The following SESN1 variants were observed in gnomAD, a reference collection of about 807,000 sequenced individuals.
SESN1 encodes the protein sestrin-1.
A neutral mutation model predicts 59.3 loss-of-function variants in SESN1; 30 were observed. The observed-to-expected ratio is 0.51, with a 90% confidence interval of 0.38 to 0.69. SESN1 has a LOEUF of 0.69. SESN1 is among the 30% of genes least tolerant of loss of function. The pLI is 0.00. For synonymous variants in SESN1, 197 were observed against 219.9 expected (o/e 0.90, Z 0.92); for missense variants, 566 against 673.0 (o/e 0.84, Z 1.76).
chr6:109,043,899 A>G lies in SESN1; in HGVS notation c.280-41556T>C, dbSNP rs535066047. Among the ~76,000 whole-genome samples the G allele has an allele frequency of 2.6e-5, 4 of 152,360 alleles. No homozygotes were observed. The East Asian group carries it at 5.8e-4, about 22-fold the overall frequency. On this transcript the variant is annotated intron_variant, in intron 1 of 9. Transcript: ENST00000436639. Reference sequence around the variant, plus strand: ...AACAGTCATACTAACTGTTTTCATGACTTATTATAAAGCTATCATAATTAA... The same window carrying G: ...AACAGTCATACTAACTGTTTTCATGGCTTATTATAAAGCTATCATAATTAA...
chr6:109,054,094 G>C (rs1446260136), intron 1 of SESN1, among the ~76,000 whole-genome samples: 1 of 151,430 alleles, frequency 6.6e-6, no homozygotes, highest in African/African-American at 2.4e-5. Flanking sequence ...TGGGGGGGGA[G>C]GGATCTGGGA....
At position 109,059,742 on chromosome 6, in the gene SESN1, G is replaced by A. The variant is rs570356561; in HGVS notation, c.279+34053C>T. 3 of 152,070 alleles carry A rather than the reference G, an allele frequency of 2.0e-5. No individual in the cohort carries two copies. In the South Asian group the frequency reaches 6.2e-4, roughly 32 times the overall value. 9.4% of individuals were successfully genotyped at this position (152,070 alleles called of 1,614,324 possible). A position where few individuals can be genotyped will look rare whatever the true frequency, so the allele number is the denominator to read the frequency against. ...CTTTTGATCTGTGAAATTAATTTAGGGATAAATTCAGTTCTACTTTTTATT... is the reference window on the plus strand; with the variant it reads ...CTTTTGATCTGTGAAATTAATTTAGAGATAAATTCAGTTCTACTTTTTATT... On this transcript the variant is annotated intron_variant, in intron 1 of 9. Coordinates refer to ENST00000436639, the MANE Select transcript of SESN1 (RefSeq NM_014454.3).
At chr6:109,005,365 A>G (rs1779711658) in intron 1 of SESN1, among the ~76,000 whole-genome samples, 1 of 152,218 alleles carries the variant, frequency 6.6e-6, no homozygotes, top group Non-Finnish European at 1.5e-5. Context: ...TAGGCAGGAA[A>G]AAAAACCTCA....
intron 8 of SESN1, among the ~76,000 whole-genome samples, chr6:108,989,990 A>G (rs1369883197): frequency 6.6e-6 from 1 of 152,182 alleles, no homozygotes; most frequent in Non-Finnish European, 1.5e-5. Context: ...CAAATGCCAG[A>G]TCCGTTTAGA....
Position 109,015,044 on chromosome 6 carries a change from A to G in SESN1, c.280-12701T>C, listed in dbSNP as rs563145750. Among the ~76,000 whole-genome samples, 13 of 152,304 alleles carry G rather than the reference A, an allele frequency of 8.5e-5. No individual in the cohort carries two copies. In the South Asian group the frequency reaches 2.5e-3, roughly 29 times the overall value. On this transcript the variant is annotated intron_variant, in intron 1 of 9. Coordinates refer to ENST00000436639, the MANE Select transcript of SESN1 (RefSeq NM_014454.3). ...GGAGACCCTCAAAAATTATGTATCGAATGAACTCTGAAGAGATGTTTCCAT... is the reference window on the plus strand; with the variant it reads ...GGAGACCCTCAAAAATTATGTATCGGATGAACTCTGAAGAGATGTTTCCAT...
At chr6:109,009,512 C>G in intron 1 of SESN1, 1 of 1,200,154 alleles carries the variant, frequency 8.3e-7, no homozygotes, top group Non-Finnish European at 1.0e-6. Context: ...GCTGGGCAGC[C>G]GGCCGCGGCT....
At position 109,054,388 on chromosome 6, in the gene SESN1, C is replaced by T. The variant is rs556613349; in HGVS notation, c.279+39407G>A. On this transcript the variant is annotated intron_variant, in intron 1 of 9. Coordinates refer to ENST00000436639, the MANE Select transcript of SESN1 (RefSeq NM_014454.3). Reference sequence around the variant, plus strand: ...AAAGGTGAAAAAATATTTTTATACTCGATTTTTTATAATCCTTAAAAAATA... The same window carrying T: ...AAAGGTGAAAAAATATTTTTATACTTGATTTTTTATAATCCTTAAAAAATA... 8.0e-4 allele frequency among the ~76,000 whole-genome samples: 122 copies of T among 151,970 alleles called. 2 individuals carry two copies. The highest frequency in any genetic ancestry group is 6.6e-3 in the Admixed American group (100 of 15,260).
intron 1 of SESN1, among the ~76,000 whole-genome samples, chr6:109,073,712 AT>A (rs767814200): frequency 2.6e-5 from 4 of 152,258 alleles, no homozygotes; most frequent in Non-Finnish European, 4.4e-5. Flanking sequence ...TTATTTCTAA[AT>A]AAAAATCTCA....
intron 1 of SESN1, among the ~76,000 whole-genome samples, chr6:109,013,366 A>T (rs1417636036): frequency 6.6e-6 from 1 of 152,204 alleles, no homozygotes; most frequent in Non-Finnish European, 1.5e-5. Flanking sequence ...AGAAGATGAC[A>T]GTGGATTCTG....
At chr6:109,059,958 G>A (rs893206335) in intron 1 of SESN1, among the ~76,000 whole-genome samples, 9 of 152,092 alleles carry the variant, frequency 5.9e-5, no homozygotes, top group African/African-American at 2.2e-4. Context: ...TAAACACAGG[G>A]ACTTCCCCTT....
intron 1 of SESN1, among the ~76,000 whole-genome samples, chr6:109,068,756 T>C (rs1780877625): frequency 6.6e-6 from 1 of 151,454 alleles, no homozygotes; most frequent in African/African-American, 2.4e-5. Flanking sequence ...GCTTCACTCT[T>C]ATTGCCCAGG....
At position 109,062,076 on chromosome 6, in the gene SESN1, G is replaced by A. The variant is rs79976846; in HGVS notation, c.279+31719C>T. On this transcript the variant is annotated intron_variant, in intron 1 of 9. Transcript: ENST00000436639. ...GTCTTACTCTGTCACCCAGATTGGA[G>A]TGCAGTGGTACAGTCACGGCTCACT... 3.2e-3 allele frequency among the ~76,000 whole-genome samples: 492 copies of A among 152,294 alleles called. 2 individuals are homozygous for A. Among genetic ancestry groups the A allele is most frequent in the Non-Finnish European group, 4.9e-3 (333 of 68,012 alleles).
rs1283547558 is a variant in SESN1 at position 109,058,482 on chromosome 6, A to G, written c.279+35313T>C. On this transcript the variant is annotated intron_variant, in intron 1 of 9. Coordinates refer to ENST00000436639, the MANE Select transcript of SESN1 (RefSeq NM_014454.3). Reference sequence around the variant, plus strand: ...CACTCTGTGATGTTTGCCCAAGGACAAAATTGCCTGATGACATTTCTCAGA... The same window carrying G: ...CACTCTGTGATGTTTGCCCAAGGACGAAATTGCCTGATGACATTTCTCAGA... Among the ~76,000 whole-genome samples, 6 of 152,178 alleles carry G rather than the reference A, an allele frequency of 3.9e-5. No homozygotes were observed. The East Asian group carries it at 1.2e-3, about 29-fold the overall frequency.
chr6:109,047,185 G>A lies in SESN1; in HGVS notation c.280-44842C>T, dbSNP rs1273417857. 7.4e-3 allele frequency among the ~76,000 whole-genome samples: 341 copies of A among 46,372 alleles called. 5 individuals carry two copies. Among genetic ancestry groups the A allele is most frequent in the Middle Eastern group, 0.042 (1 of 24 alleles). The allele number at this position is 46,372 out of a possible 152,430, so 30.4% of individuals were successfully genotyped here. Reference sequence around the variant, plus strand: ...AGGGAGGTGGGGGGGTCAGCCCCCCGCCCGGCCAGCCGCCCCGTCCGGGAG... The same window carrying A: ...AGGGAGGTGGGGGGGTCAGCCCCCCACCCGGCCAGCCGCCCCGTCCGGGAG... On this transcript the variant is annotated intron_variant, in intron 1 of 9. Transcript: ENST00000436639.
intron 1 of SESN1, among the ~76,000 whole-genome samples, chr6:109,079,680 T>C (rs1680561414): frequency 6.6e-6 from 1 of 152,238 alleles, no homozygotes; most frequent in African/African-American, 2.4e-5. Flanking sequence ...GAACATTATA[T>C]AACTTAGGTG....
chr6:109,078,515 C>T (rs1238990315), intron 1 of SESN1, among the ~76,000 whole-genome samples: 1 of 152,040 alleles, frequency 6.6e-6, no homozygotes. Context: ...TTAACATGTA[C>T]ACACTTTTAA....
chr6:109,020,647 G>A (rs990769760), intron 1 of SESN1, among the ~76,000 whole-genome samples: 14 of 151,978 alleles, frequency 9.2e-5, no homozygotes, highest in Admixed American at 3.9e-4. Flanking sequence ...AGAGAAGAAG[G>A]TTTTCAGAGG....
At chr6:109,057,802 C>A (rs957706712) in intron 1 of SESN1, among the ~76,000 whole-genome samples, 1 of 152,272 alleles carries the variant, frequency 6.6e-6, no homozygotes, top group Non-Finnish European at 1.5e-5. Context: ...TTCAGCTACA[C>A]CCCAAAACAC....
intron 1 of SESN1, among the ~76,000 whole-genome samples, chr6:109,069,827 G>A (rs1184506049): frequency 6.6e-6 from 1 of 151,948 alleles, no homozygotes; most frequent in African/African-American, 2.4e-5. Flanking sequence ...TAAAGTGCTG[G>A]GATTATAGTT....
Sources: allele counts gnomAD v4.1 joint callset (sites outside exome capture counted in the v4.1 genomes callset), GRCh38; gene constraint gnomAD v4.1.1; transcripts MANE v1.5; gene names NCBI Gene and HGNC (gene_info 2026-07-23, HGNC 2026-07-21).